TPH2: variants seen among roughly 807,000 people sequenced by gnomAD.
TPH2 encodes the protein tryptophan 5-hydroxylase 2.
TPH2 carries 27 observed loss-of-function variants against 59.1 expected under a neutral mutation model. That is an observed-to-expected ratio of 0.46 (90% CI 0.34 to 0.63). TPH2 has a LOEUF of 0.63. TPH2 is among the 30% of genes least tolerant of loss of function. The pLI is 0.01. For synonymous variants in TPH2, 220 were observed against 210.5 expected, an observed-to-expected ratio of 1.05 and a Z score of -0.39; for missense variants, 523 against 588.3, an observed-to-expected ratio of 0.89 and a Z score of 1.15.
intron 5 of TPH2, among the ~76,000 whole-genome samples, chr12:71,968,800 T>G (rs1038996474): frequency 1.3e-5 from 2 of 152,166 alleles, no homozygotes; most frequent in African/African-American, 4.8e-5. Flanking sequence ...AGGAGGAATT[T>G]GTTGGTGATA....
chr12:71,964,990 A>T (rs10879347), intron 5 of TPH2: 2 of 152,386 alleles, frequency 1.3e-5, no homozygotes, highest in Non-Finnish European at 2.9e-5. Flanking sequence ...CTTTGTGTTC[A>T]TAAGTTCTTA....
chr12:71,941,365 A>G (rs547766370), intron 1 of TPH2, among the ~76,000 whole-genome samples: 1 of 152,282 alleles, frequency 6.6e-6, no homozygotes. Context: ...AATTTCAACC[A>G]CTAGATGATG....
intron 8 of TPH2, among the ~76,000 whole-genome samples, chr12:72,001,448 C>T (rs1179117522): frequency 6.8e-6 from 1 of 147,854 alleles, no homozygotes; most frequent in African/African-American, 2.5e-5. Flanking sequence ...TTTTTTGAGA[C>T]AGAGTTCTCT....
intron 5 of TPH2, among the ~76,000 whole-genome samples, chr12:71,971,654 T>A (rs531140073): frequency 1.3e-5 from 2 of 152,170 alleles, no homozygotes; most frequent in Non-Finnish European, 2.9e-5. Flanking sequence ...TCAACTCAAG[T>A]TGTGCCTCCT....
intron 1 of TPH2, among the ~76,000 whole-genome samples, chr12:71,939,415 T>C (rs58163434): frequency 0.027 from 2,740 of 101,694 alleles, 72 homozygotes; most frequent in African/African-American, 0.093. Context: ...AAAAAAAAAA[T>C]GGAGTGTGAA....
chr12:71,956,790 T>G (rs1871520258), intron 5 of TPH2, among the ~76,000 whole-genome samples: 2 of 151,928 alleles, frequency 1.3e-5, no homozygotes, highest in Non-Finnish European at 2.9e-5. Flanking sequence ...TTGTATCTTT[T>G]GTAGAGATGG....
chr12:72,026,157 G>A (rs966750131), intron 9 of TPH2, among the ~76,000 whole-genome samples: 4 of 151,732 alleles, frequency 2.6e-5, no homozygotes, highest in Admixed American at 2.6e-4. Flanking sequence ...TTTTTCATGA[G>A]TAAAGGTAAG....
At chr12:71,942,530 C>A (rs1370898937) in intron 2 of TPH2, among the ~76,000 whole-genome samples, 3 of 152,210 alleles carry the variant, frequency 2.0e-5, no homozygotes, top group Non-Finnish European at 2.9e-5. Flanking sequence ...GGAAAGATAG[C>A]TGCAATTGCA....
At chr12:71,976,481 T>C (rs529917679) in intron 6 of TPH2, among the ~76,000 whole-genome samples, 1 of 152,224 alleles carries the variant, frequency 6.6e-6, no homozygotes, top group Non-Finnish European at 1.5e-5. Flanking sequence ...GATGTCATGG[T>C]TTTATATTTT....
intron 5 of TPH2, among the ~76,000 whole-genome samples, chr12:71,960,405 A>G (rs949305037): frequency 3.9e-5 from 6 of 152,234 alleles, no homozygotes; most frequent in African/African-American, 1.4e-4. Context: ...CTCTTTACAG[A>G]AGTCTTAGTG....
intron 8 of TPH2, among the ~76,000 whole-genome samples, chr12:72,005,140 T>C (rs918525665): frequency 2.6e-5 from 4 of 152,164 alleles, no homozygotes; most frequent in Non-Finnish European, 4.4e-5. Flanking sequence ...TGCTGTCATT[T>C]GAGGGCTTAA....
intron 5 of TPH2, among the ~76,000 whole-genome samples, chr12:71,971,742 T>C (rs747161857): frequency 3.9e-5 from 6 of 152,222 alleles, no homozygotes; most frequent in Non-Finnish European, 7.3e-5. Context: ...CACTACTGTT[T>C]ATGGGCCAAA....
chr12:71,940,243 G>C (rs1246677100), intron 1 of TPH2, among the ~76,000 whole-genome samples: 2 of 152,170 alleles, frequency 1.3e-5, no homozygotes, highest in East Asian at 1.9e-4. Context: ...TCTGTGTGTT[G>C]TGTGGTGAGG....
chr12:71,979,173 A>C, intron 7 of TPH2, 86 bp downstream of exon 7: 3 of 1,558,538 alleles, frequency 1.9e-6, no homozygotes, highest in Non-Finnish European at 2.6e-6. Flanking sequence ...GCCCTGTTTT[A>C]CCTCCAAACT....
rs1220122053 is a variant in TPH2, at chr12:71,972,631, A to C, written c.721A>C (p.Lys241Gln). ...YPTHACREYL[K>Q]NFPLLTKYCG... is the part of the protein sequence containing the mutation. ...CACTCATGCTTGCCGAGAGTATTTG[A>C]AAAACTTCCCTCTGCTGACTAAATA... Residue 241 changes from lysine to glutamine, a missense_variant, in exon 6 of 11, where the codon AAA becomes CAA. Transcript: ENST00000333850. 2 of 1,614,168 alleles carry C rather than the reference A, an allele frequency of 1.2e-6. No individual in the cohort carries two copies.
intron 7 of TPH2, among the ~76,000 whole-genome samples, chr12:71,982,432 G>A (rs1872311685): frequency 6.6e-6 from 1 of 152,140 alleles, no homozygotes; most frequent in Admixed American, 6.5e-5. Context: ...ATCCTCTCCA[G>A]AGGCAACCAC....
intron 8 of TPH2, among the ~76,000 whole-genome samples, chr12:72,021,358 T>A (rs920066129): frequency 7.0e-4 from 16 of 22,728 alleles, no homozygotes; most frequent in African/African-American, 2.0e-3. Flanking sequence ...GCCAATAAAG[T>A]GTGTGTGTGT....
chr12:72,022,213 C>T (rs1233559807), intron 8 of TPH2, among the ~76,000 whole-genome samples, 186 bp from the exon 9 acceptor site: 2 of 152,110 alleles, frequency 1.3e-5, no homozygotes, highest in African/African-American at 2.4e-5. Flanking sequence ...TTTTCATATA[C>T]ATTCAACCTA....
At chr12:71,949,250 G>A (rs1871280511) in intron 4 of TPH2, among the ~76,000 whole-genome samples, 1 of 152,088 alleles carries the variant, frequency 6.6e-6, no homozygotes, top group Non-Finnish European at 1.5e-5. Context: ...GAATAGGATA[G>A]GATTAATTTG....
Sources: allele counts gnomAD v4.1 joint callset (sites outside exome capture counted in the v4.1 genomes callset), GRCh38; gene constraint gnomAD v4.1.1; transcripts MANE v1.5; gene names NCBI Gene and HGNC (gene_info 2026-07-23, HGNC 2026-07-21).